The following ANKDD1B variants were observed in gnomAD, a reference collection of about 807,000 sequenced individuals.
ANKDD1B encodes ankyrin repeat and death domain-containing protein 1B.
A neutral mutation model predicts 59.7 loss-of-function variants in ANKDD1B; 57 were observed. That is an observed-to-expected ratio of 0.95 (90% CI 0.77 to 1.19). ANKDD1B has a LOEUF of 1.19. ANKDD1B is among the 50% of genes most tolerant of loss of function. ANKDD1B has a pLI of 0.00. For missense variants in ANKDD1B, 602 were observed against 641.9 expected, an observed-to-expected ratio of 0.94 and a Z score of 0.67; for synonymous variants, 216 against 239.5, an observed-to-expected ratio of 0.90 and a Z score of 0.91.
intron 5 of ANKDD1B, among the ~76,000 whole-genome samples, chr5:75,627,377 G>T (rs755810287): frequency 6.6e-6 from 1 of 152,022 alleles, no homozygotes; most frequent in Non-Finnish European, 1.5e-5. Flanking sequence ...ATGCAAATGC[G>T]CTTCGTGGTA....
chr5:75,634,685 A>C, intron 5 of ANKDD1B: 1 of 471,664 alleles, frequency 2.1e-6, no homozygotes, highest in Non-Finnish European at 3.9e-6. Flanking sequence ...TGCCACCATG[A>C]AACAGATTTC....
intron 11 of ANKDD1B, among the ~76,000 whole-genome samples, chr5:75,663,717 G>A (rs887550074): frequency 2.6e-5 from 4 of 152,228 alleles, no homozygotes; most frequent in Non-Finnish European, 5.9e-5. Context: ...GAGTTCACTA[G>A]GGCCAAGCGG....
At chr5:75,651,982 G>T (rs1774844818) in intron 7 of ANKDD1B, among the ~76,000 whole-genome samples, 1 of 152,160 alleles carries the variant, frequency 6.6e-6, no homozygotes, top group African/African-American at 2.4e-5. Context: ...AAGGGCATGG[G>T]TCTCATTCAT....
At position 75,620,324 on chromosome 5, in the gene ANKDD1B, A is replaced by G; in HGVS notation, c.307A>G (p.Thr103Ala). 1 of 1,523,592 alleles carries G rather than the reference A, an allele frequency of 6.6e-7. No homozygotes were observed. Among genetic ancestry groups the G allele is most frequent in the South Asian group, 1.2e-5 (1 of 83,222 alleles). 94.4% of individuals were successfully genotyped at this position (1,523,592 alleles called of 1,614,324 possible). The change falls in exon 3 of 14, where the codon ACA becomes GCA. Residue 103 changes from threonine (T) to alanine (A), a missense_variant. By Grantham distance (58) the Thr-to-Ala change is moderately conservative. This residue lies in a region of ANKDD1B where 317 missense variants were observed against 304.6 expected (regional missense o/e 1.04). Coordinates refer to ENST00000601380, the MANE Select transcript of ANKDD1B (RefSeq NM_001276713.2). ...NINVVNNMNRTALHFAVGRNH... is the reference protein window; with the variant it reads ...NINVVNNMNRAALHFAVGRNH... ...AATTATGCTTCCTCAGATGAACCGC[A>G]CAGCCCTGCATTTTGCAGTGGGGAG...
At chr5:75,615,714 C>A (rs1054016620) in intron 1 of ANKDD1B, among the ~76,000 whole-genome samples, 1 of 151,230 alleles carries the variant, frequency 6.6e-6, no homozygotes, top group Non-Finnish European at 1.5e-5. Context: ...CCTAATCTCT[C>A]TTCTTATAGG....
Position 75,616,868 on chromosome 5 carries a change from G to A in ANKDD1B, c.258G>A (p.Lys86=), listed in dbSNP as rs1407085903. ...AKSNNLDLME[K]LFEKKVNINV... ...GCAATAATTTGGATCTTATGGAGAA[G>A]CTGTTTGAAAAGAAGGTTAACATTA... The change falls in exon 2 of 14, where the codon AAG becomes AAA. Residue 86 remains lysine (K), a synonymous_variant. Transcript: ENST00000601380. 2.6e-6 allele frequency: 4 copies of A among 1,532,246 alleles called. No homozygotes were observed. The highest frequency in any genetic ancestry group is 2.6e-6 in the Non-Finnish European group (3 of 1,143,610). 94.9% of individuals were successfully genotyped at this position (1,532,246 alleles called of 1,614,324 possible).
intron 2 of ANKDD1B, among the ~76,000 whole-genome samples, chr5:75,619,519 G>A (rs1773793060): frequency 6.6e-6 from 1 of 152,036 alleles, no homozygotes; most frequent in African/African-American, 2.4e-5. Context: ...TTAGGTTGAT[G>A]CTACCAAGAA....
chr5:75,641,808 C>T (rs1466601557), intron 7 of ANKDD1B, among the ~76,000 whole-genome samples: 1 of 152,174 alleles, frequency 6.6e-6, no homozygotes, highest in Non-Finnish European at 1.5e-5. Flanking sequence ...AGCAATTTGT[C>T]ACTTTCCTTT....
chr5:75,663,357 C>T (rs1775209311), intron 10 of ANKDD1B, 37 bp from the exon 11 acceptor site: 2 of 1,435,436 alleles, frequency 1.4e-6, no homozygotes, highest in Admixed American at 2.0e-5. Flanking sequence ...AATCACTAGG[C>T]CATATCACCT....
In ANKDD1B at chr5:75,643,477, A is replaced by C. The variant is rs1309356480; in HGVS notation, c.798+7595A>C. 1.2e-4 allele frequency among the ~76,000 whole-genome samples: 5 copies of C among 40,488 alleles called. 1 individual carries two copies. Among genetic ancestry groups the C allele is most frequent in the Admixed American group, 5.8e-4 (2 of 3,448 alleles). 26.6% of individuals were successfully genotyped at this position (40,488 alleles called of 152,430 possible). A position where few individuals can be genotyped will look rare whatever the true frequency, so the allele number is the denominator to read the frequency against. ...AGAAGCCTCAGGAGCTGATGCGATC[A>C]ACTGGAAGAAAGGGTATCAGCAATG... On this transcript the variant is annotated intron_variant, in intron 7 of 13. Coordinates refer to ENST00000601380, the MANE Select transcript of ANKDD1B (RefSeq NM_001276713.2).
intron 2 of ANKDD1B, among the ~76,000 whole-genome samples, chr5:75,619,567 T>C (rs1773794256): frequency 1.3e-5 from 2 of 152,236 alleles, no homozygotes; most frequent in Admixed American, 6.5e-5. Context: ...TTTTATTATT[T>C]ATGTATAACA....
intron 5 of ANKDD1B, 103 bp downstream of exon 5, chr5:75,626,058 C>T (rs17739580): frequency 0.22 from 173,616 of 805,612 alleles, 20,762 homozygotes; most frequent in South Asian, 0.38. Flanking sequence ...CAGACAGACC[C>T]GGCCCTGTAG....
intron 7 of ANKDD1B, among the ~76,000 whole-genome samples, chr5:75,652,631 G>A (rs780982678): frequency 3.3e-5 from 5 of 152,150 alleles, no homozygotes; most frequent in Non-Finnish European, 7.3e-5. Context: ...TAGAGACAAG[G>A]TTTCACCATG....
intron 2 of ANKDD1B, among the ~76,000 whole-genome samples, chr5:75,618,891 G>A (rs749046253): frequency 6.6e-6 from 1 of 152,012 alleles, no homozygotes; most frequent in Non-Finnish European, 1.5e-5. Context: ...GATTACAGAC[G>A]CACGCCACCA....
intron 1 of ANKDD1B, among the ~76,000 whole-genome samples, chr5:75,612,150 C>T (rs761641132): frequency 2.0e-4 from 31 of 152,192 alleles, no homozygotes; most frequent in Non-Finnish European, 3.5e-4. Flanking sequence ...TATCGTGACT[C>T]ATGCTCCGAT....
At chr5:75,653,424 A>G (rs1182550137) in intron 8 of ANKDD1B, among the ~76,000 whole-genome samples, 184 bp downstream of exon 8, 1 of 152,184 alleles carries the variant, frequency 6.6e-6, no homozygotes, top group East Asian at 1.9e-4. Flanking sequence ...AATCCGAGGG[A>G]TGAATTTTAG....
intron 3 of ANKDD1B, 34 bp downstream of exon 3, chr5:75,620,447 T>A (rs1246375093): frequency 8.5e-7 from 1 of 1,174,640 alleles, no homozygotes. Flanking sequence ...AGTTGGAGCA[T>A]AACCAATGTA....
intron 7 of ANKDD1B, among the ~76,000 whole-genome samples, chr5:75,648,878 G>A (rs1309964985): frequency 6.6e-6 from 1 of 152,202 alleles, no homozygotes; most frequent in African/African-American, 2.4e-5. Flanking sequence ...CTGACACTGA[G>A]TCTTGGTTTC....
At chr5:75,670,864 A>G (rs1268743198) in intron 13 of ANKDD1B, 115 bp from the exon 14 acceptor site, 6 of 405,706 alleles carry the variant, frequency 1.5e-5, no homozygotes, top group African/African-American at 4.1e-5. Context: ...AGGAAAGAAA[A>G]TAAAAATGTT....
Sources: gnomAD v4.1 joint callset for allele counts (sites outside exome capture counted in the v4.1 genomes callset) on GRCh38, gnomAD v4.1.1 for gene constraint, gnomAD v4.1.1 regional missense constraint, MANE v1.5 for transcripts, NCBI Gene and HGNC (gene_info 2026-07-23, HGNC 2026-07-21) for gene names.